Variants in FCHO1 observed in about 807,000 individuals in gnomAD.
The protein encoded by FCHO1 is F-BAR domain only protein 1.
Under a neutral mutation model 114.4 loss-of-function variants are expected in FCHO1, and 45 were observed. The observed-to-expected ratio is 0.39, with a 90% confidence interval of 0.31 to 0.50. The LOEUF is 0.50. Ranked by LOEUF, FCHO1 falls within the 20% of genes least tolerant of loss-of-function variation. The pLI is 0.77. For missense variants in FCHO1, 1,042 were observed against 1,209.6 expected, an observed-to-expected ratio of 0.86 and a Z score of 2.06; for synonymous variants, 480 against 488.9, an observed-to-expected ratio of 0.98 and a Z score of 0.24.
At position 17,776,571 on chromosome 19, in the gene FCHO1, C is replaced by T; in HGVS notation, c.1208-64C>T. ...CACCCCCGAGCCTCGGTCCCTTGGTCTGTGGAGTGGGGAGCATTGCAGGCA... is the reference window on the plus strand; with the variant it reads ...CACCCCCGAGCCTCGGTCCCTTGGTTTGTGGAGTGGGGAGCATTGCAGGCA... On this transcript the variant is annotated intron_variant, in intron 17 of 28. Coordinates refer to ENST00000596536, the MANE Select transcript of FCHO1 (RefSeq NM_015122.3). This position sits in a 1 kb window ranked among gnomAD's most constrained non-coding sequence, Gnocchi z 4.4. The T allele has an allele frequency of 1.9e-6, 3 of 1,580,990 alleles. No individual in the cohort carries two copies. The highest frequency in any genetic ancestry group is 2.6e-6 in the Non-Finnish European group (3 of 1,150,352).
At chr19:17,749,874 T>G (rs2081481680), upstream of FCHO1, among the ~76,000 whole-genome samples, 1 of 152,174 alleles carries the variant, frequency 6.6e-6, no homozygotes. Flanking sequence ...CCCTTGCTAC[T>G]GGCCCTACTG....
intron 6 of FCHO1, 26 bp from the exon 7 acceptor site, chr19:17,766,643 C>G (rs1412662433): frequency 3.1e-6 from 5 of 1,613,490 alleles, no homozygotes; most frequent in South Asian, 2.2e-5. Flanking sequence ...CTGATGAACC[C>G]TGGGTGTGAC....
At chr19:17,749,372 G>A (rs778294630), upstream of FCHO1, among the ~76,000 whole-genome samples, 2 of 152,156 alleles carry the variant, frequency 1.3e-5, no homozygotes, top group Non-Finnish European at 2.9e-5. Flanking sequence ...GTCTGTGGGA[G>A]GAGGAAGCTC....
At chr19:17,748,630 G>A (rs1269813776), upstream of FCHO1, among the ~76,000 whole-genome samples, 1 of 150,632 alleles carries the variant, frequency 6.6e-6, no homozygotes, top group African/African-American at 2.4e-5. Flanking sequence ...GGGTGCGGAG[G>A]AGGCTTGGGG....
rs2093720949 is a variant in FCHO1, at chr19:17,784,703, CTCTCAT to C, written c.2227-12_2227-7del. 1.9e-6 allele frequency: 3 copies of C among 1,611,878 alleles called. No individual in the cohort carries two copies. Among genetic ancestry groups the C allele is most frequent in the Non-Finnish European group, 2.5e-6 (3 of 1,178,438 alleles). On this transcript the variant is annotated splice_polypyrimidine_tract_variant and intron_variant, in intron 25 of 28. Transcript: ENST00000596536. The surrounding 1 kb of genome is among the most constrained non-coding windows in gnomAD (Gnocchi z 5.3). ...CAGGATGGCCCAAGCTGTGTCCTCTCTCTCATTCTCATTCTTCCTAGTTCTCCCGCC... is the reference window on the plus strand; with the variant it reads ...CAGGATGGCCCAAGCTGTGTCCTCTCTCTCATTCTTCCTAGTTCTCCCGCC...
chr19:17,774,754 G>C, intron 13 of FCHO1: 1 of 586,030 alleles, frequency 1.7e-6, no homozygotes, highest in Non-Finnish European at 3.0e-6. Context: ...GCCCAAGCTG[G>C]CCCAGGATTG....
chr19:17,783,341 A>G (rs2093601395), intron 24 of FCHO1, among the ~76,000 whole-genome samples, 169 bp downstream of exon 24: 1 of 149,710 alleles, frequency 6.7e-6, no homozygotes, highest in African/African-American at 2.5e-5. Context: ...ATCTCGGCTC[A>G]CTGCAACTCC....
intron 7 of FCHO1, 107 bp from the exon 8 acceptor site, chr19:17,770,318 A>AACAC (rs200187010): frequency 2.5e-6 from 3 of 1,208,896 alleles, no homozygotes; most frequent in East Asian, 2.6e-5. Flanking sequence ...ACCAAACCAA[A>AACAC]ACACACACAC....
chr19:17,788,011 G>T (rs1482771779), intron 28 of FCHO1, among the ~76,000 whole-genome samples, 165 bp downstream of exon 28: 2 of 152,064 alleles, frequency 1.3e-5, no homozygotes, highest in East Asian at 3.9e-4. Flanking sequence ...AGGAGGCAGG[G>T]CCCTGTGTAT....
chr19:17,786,042 G>A (rs2093857927), intron 26 of FCHO1, among the ~76,000 whole-genome samples: 1 of 150,626 alleles, frequency 6.6e-6, no homozygotes, highest in African/African-American at 2.4e-5. Context: ...ATCTAAAAGT[G>A]CTGCAAGGAA....
Position 17,770,511 on chromosome 19 carries a change from C to T in FCHO1, c.423C>T (p.Tyr141=), listed in dbSNP as rs2091181097. The change falls in exon 8 of 29, where the codon TAC becomes TAT. Residue 141 remains tyrosine, a synonymous_variant. Coordinates refer to ENST00000596536, the MANE Select transcript of FCHO1 (RefSeq NM_015122.3). ...TCCTGCCCAAGTCCCGCGAGAACTA[C>T]CTGAACCGTTGCATGGACCAGGAGC... is the stretch of plus-strand genomic sequence containing the variant. The part of the protein sequence containing the change: ...SQLLPKSREN[Y]LNRCMDQERL... 1 of 1,613,836 alleles carries T rather than the reference C, an allele frequency of 6.2e-7. No individual in the cohort carries two copies. Among genetic ancestry groups the T allele is most frequent in the Non-Finnish European group, 8.5e-7 (1 of 1,179,888 alleles).
At position 17,752,736 on chromosome 19, in the gene FCHO1, C is replaced by CAA. The variant is rs760871627; in HGVS notation, c.-183+1175_-183+1176dup. On this transcript the variant is annotated intron_variant, in intron 1 of 28. Transcript: ENST00000596536. The stretch of plus-strand genomic sequence containing the variant: ...CCACACTAGTGAGACCTAGTCTCTA[C>CAA]AAAAAAAAAAAAAAAAATTTATTTT... Among the ~76,000 whole-genome samples the CAA allele has an allele frequency of 4.8e-3, 534 of 112,120 alleles. 2 individuals are homozygous for CAA. Among genetic ancestry groups the CAA allele is most frequent in the East Asian group, 0.021 (88 of 4,200 alleles). The allele number at this position is 112,120 out of a possible 152,430, so 73.6% of individuals were successfully genotyped here.
At chr19:17,772,219 T>C (rs752177797) in intron 9 of FCHO1, among the ~76,000 whole-genome samples, 1 of 152,140 alleles carries the variant, frequency 6.6e-6, no homozygotes, top group Non-Finnish European at 1.5e-5. Context: ...TGCACATGTG[T>C]GCATCAAACT....
intron 4 of FCHO1, among the ~76,000 whole-genome samples, chr19:17,756,439 G>T (rs1424122694): frequency 2.0e-5 from 3 of 152,170 alleles, no homozygotes; most frequent in Non-Finnish European, 4.4e-5. Context: ...AGGCGTGCAG[G>T]CTCGCTGCAG....
Position 17,762,350 on chromosome 19 carries a change from G to C in FCHO1, c.28-412G>C, listed in dbSNP as rs115213503. ...GGTTCAGCTTCTTTCTAAGGTTCAC[G>C]GTTTCCATTTGACTTCCAGTATCCC... On this transcript the variant is annotated intron_variant, in intron 4 of 28. Coordinates refer to ENST00000596536, the MANE Select transcript of FCHO1 (RefSeq NM_015122.3). Among the ~76,000 whole-genome samples, 409 of 151,038 alleles carry C rather than the reference G, an allele frequency of 2.7e-3. 2 individuals carry two copies. The highest frequency in any genetic ancestry group is 0.01 in the Middle Eastern group (3 of 292).
intron 7 of FCHO1, among the ~76,000 whole-genome samples, chr19:17,768,985 A>T (rs2090439074): frequency 2.1e-5 from 1 of 46,830 alleles, no homozygotes. Flanking sequence ...CCCATCTCTT[A>T]AAAAAAAAAG....
At position 17,776,710 on chromosome 19, in the gene FCHO1, G is replaced by A; in HGVS notation, c.1259+24G>A. 1 of 1,612,258 alleles carries A rather than the reference G, an allele frequency of 6.2e-7. No homozygotes were observed. Among genetic ancestry groups the A allele is most frequent in the African/African-American group, 1.3e-5 (1 of 75,002 alleles). On this transcript the variant is annotated intron_variant, in intron 18 of 28. Transcript: ENST00000596536. This position sits in a 1 kb window ranked among gnomAD's most constrained non-coding sequence, Gnocchi z 4.4. ...AGGTGGGTTCCACACGAGTGGGCAG[G>A]TGGGGGCTGTCCCCACCTCCTCCCT... is the stretch of plus-strand genomic sequence containing the variant.
chr19:17,765,500 CTG>C (rs906227636), intron 6 of FCHO1, among the ~76,000 whole-genome samples: 1 of 151,970 alleles, frequency 6.6e-6, no homozygotes, highest in Non-Finnish European at 1.5e-5. Flanking sequence ...GGAGAAACCC[CTG>C]TCTCTACTAA....
chr19:17,784,736 G>A lies in FCHO1; in HGVS notation c.2238G>A (p.Pro746=), dbSNP rs767348144. Reference sequence around the variant, plus strand: ...CTCATTCTTCCTAGTTCTCCCGCCCGGGTCCCCAGTCTGTGCCTCTGCAGC... The same window carrying A: ...CTCATTCTTCCTAGTTCTCCCGCCCAGGTCCCCAGTCTGTGCCTCTGCAGC... ...VVLLRYQFSR[P]GPQSVPLQLS... The change falls in exon 26 of 29, where the codon CCG becomes CCA. Residue 746 remains proline, a synonymous_variant. Coordinates refer to ENST00000596536, the MANE Select transcript of FCHO1 (RefSeq NM_015122.3). This position sits in a 1 kb window ranked among gnomAD's most constrained non-coding sequence, Gnocchi z 5.3. The A allele has an allele frequency of 1.1e-5, 18 of 1,613,852 alleles. No homozygotes were observed. Among genetic ancestry groups the A allele is most frequent in the Non-Finnish European group, 1.5e-5 (18 of 1,180,016 alleles).
Sources: gnomAD v4.1 joint callset for allele counts (sites outside exome capture counted in the v4.1 genomes callset) on GRCh38, gnomAD v4.1.1 for gene constraint, Gnocchi (gnomAD v3.1) non-coding constraint, MANE v1.5 for transcripts, NCBI Gene and HGNC (gene_info 2026-07-23, HGNC 2026-07-21) for gene names.